TTN: variants seen among roughly 807,000 people sequenced by gnomAD.
TTN encodes the protein titin.
In TTN, 1,525 loss-of-function variants were observed where a neutral mutation model predicts 3,223.0. The observed-to-expected ratio is 0.47, with a 90% confidence interval of 0.45 to 0.49. The LOEUF is 0.49. Among genes scored for constraint, TTN ranks in the 20% least tolerant of loss-of-function variants. TTN has a pLI of 0.00. For missense variants in TTN, 40,786 were observed against 43,424.0 expected, an observed-to-expected ratio of 0.94 and a Z score of 5.40; for synonymous variants, 14,094 against 15,161.0, an observed-to-expected ratio of 0.93 and a Z score of 5.17.
At position 178,734,557 on chromosome 2, in the gene TTN, T is replaced by A. The variant is rs2081103504; in HGVS notation, c.15267A>T (p.Gly5089=). 6.2e-7 allele frequency: 1 copy of A among 1,603,502 alleles called. No individual in the cohort carries two copies. Among genetic ancestry groups the A allele is most frequent in the African/African-American group, 1.3e-5 (1 of 74,778 alleles). ...CTTCACACTGAAGTAGAGCATTTGTTCCTCTCACTATGTCTGCAGGCTCAA... is the reference window on the plus strand; with the variant it reads ...CTTCACACTGAAGTAGAGCATTTGTACCTCTCACTATGTCTGCAGGCTCAA... ...KTLEPADIVR[G]TNALLQCEVS... The change falls in exon 52 of 363, where the codon GGA becomes GGT. Residue 5089 remains glycine (G), a synonymous_variant. Transcript: ENST00000589042.
At position 178,717,375 on chromosome 2, in the gene TTN, T is replaced by C. The variant is rs1454120603; in HGVS notation, c.25359A>G (p.Glu8453=). The change falls in exon 88 of 363, where the codon GAA becomes GAG. Residue 8453 remains glutamate (E), a synonymous_variant. Coordinates refer to ENST00000589042, the MANE Select transcript of TTN (RefSeq NM_001267550.2). ...GCTTTAGATCAAAGAAAGGAGGCACTTCATGCTCTGAAAAGAATGAAGACC... is the reference window on the plus strand; with the variant it reads ...GCTTTAGATCAAAGAAAGGAGGCACCTCATGCTCTGAAAAGAATGAAGACC... ...SSAKLILSEH[E]VPPFFDLKPV... is the part of the protein sequence containing the mutation. 2 of 1,605,414 alleles carry C rather than the reference T, an allele frequency of 1.2e-6. No individual in the cohort carries two copies. Among genetic ancestry groups the C allele is most frequent in the Middle Eastern group, 1.7e-4 (1 of 6,012 alleles).
chr2:178,625,384 A>T lies in TTN; in HGVS notation c.44437T>A (p.Ser14813Thr). 6.3e-7 allele frequency: 1 copy of T among 1,578,456 alleles called. No homozygotes were observed. Among genetic ancestry groups the T allele is most frequent in the Non-Finnish European group, 8.6e-7 (1 of 1,166,740 alleles). Residue 14813 changes from serine (S) to threonine (T), a missense_variant, in exon 241 of 363, where the codon TCA (serine) becomes ACA (threonine). Transcript: ENST00000589042. Reference protein sequence around the residue: ...LEPSDKVVPRSEGKVHTLTLR... With the variant: ...LEPSDKVVPRTEGKVHTLTLR... ...GTAAGTGTATGAACTTTTCCTTCTG[A>T]ACGTGGGACCACCTAGTTGTTTTTA...
At chr2:178,588,337 C>T in intron 304 of TTN, 118 bp from the exon 305 acceptor site, 1 of 1,152,298 alleles carries the variant, frequency 8.7e-7, no homozygotes, top group East Asian at 2.6e-5. Context: ...TTAGTGTCCT[C>T]TTTATTTTCC....
chr2:178,595,942 T>G, intron 294 of TTN, 133 bp from the exon 295 acceptor site: 1 of 855,930 alleles, frequency 1.2e-6, no homozygotes, highest in Non-Finnish European at 1.8e-6. Flanking sequence ...ATTGAGTTAG[T>G]TTTTCCTTCT....
chr2:178,583,169 T>A lies in TTN; in HGVS notation c.65634A>T (p.Gly21878=). The change falls in exon 313 of 363, where the codon GGA becomes GGT. Residue 21878 remains glycine (G), a synonymous_variant. Transcript: ENST00000589042. ...AMKSLLTVKA[G]TNVCLDATVF... is the part of the protein sequence containing the mutation. ...CAGTAGCATCCAAGCAGACATTAGT[T>A]CCAGCTTTCACAGTAAGCAAAGATT... 1 of 1,611,960 alleles carries A rather than the reference T, an allele frequency of 6.2e-7. No homozygotes were observed. The highest frequency in any genetic ancestry group is 8.5e-7 in the Non-Finnish European group (1 of 1,178,732).
In TTN at chr2:178,802,274, G is replaced by A. The variant is rs1367693905; in HGVS notation, c.159C>T (p.Gly53=). ...GGCCATCGCTAAAGGAGATCTGCAC[G>A]CCGGGCAGAGTGGAAGTGGAAATCA... is the stretch of plus-strand genomic sequence containing the variant. The part of the protein sequence containing the change: ...GQVISTSTLP[G]VQISFSDGRA... Residue 53 remains glycine, a synonymous_variant, in exon 3 of 363, where the codon GGC becomes GGT. Transcript: ENST00000589042. 4.3e-6 allele frequency: 7 copies of A among 1,614,142 alleles called. No individual in the cohort carries two copies. Among genetic ancestry groups the A allele is most frequent in the Non-Finnish European group, 5.9e-6 (7 of 1,180,006 alleles).
chr2:178,565,534 C>G lies in TTN; in HGVS notation c.80598G>C (p.Val26866=). ...CCTTGGCTATGACAGGAACACCCAA[C>G]ACTCTTGGATCGCTTTTTCCTTTCT... ...YNEKGKSDPR[V]LGVPVIAKDL... Residue 26866 remains valine (V), a synonymous_variant, in exon 326 of 363, where the codon GTG becomes GTC. Coordinates refer to ENST00000589042, the MANE Select transcript of TTN (RefSeq NM_001267550.2). 6.2e-7 allele frequency: 1 copy of G among 1,613,544 alleles called. No homozygotes were observed. The highest frequency in any genetic ancestry group is 8.5e-7 in the Non-Finnish European group (1 of 1,179,620).
Position 178,546,757 on chromosome 2 carries a change from C to T in TTN, c.94671G>A (p.Leu31557=), listed in dbSNP as rs1284600896. ...CAGATACAATGGTGTAGTTGCACTT[C>T]AGCCAGCGACCATCTCCTACCTCAC... is the stretch of plus-strand genomic sequence containing the variant. ...PVSEVGDGRW[L]KCNYTIVSDN... is the part of the protein sequence containing the mutation. The change falls in exon 341 of 363, where the codon CTG becomes CTA. Residue 31557 remains leucine, a synonymous_variant. Coordinates refer to ENST00000589042, the MANE Select transcript of TTN (RefSeq NM_001267550.2). 1 of 1,613,614 alleles carries T rather than the reference C, an allele frequency of 6.2e-7. No homozygotes were observed. Among genetic ancestry groups the T allele is most frequent in the Non-Finnish European group, 8.5e-7 (1 of 1,179,742 alleles).
In TTN at chr2:178,735,969, G is replaced by T; in HGVS notation, c.14477C>A (p.Thr4826Asn). 1 of 1,613,804 alleles carries T rather than the reference G, an allele frequency of 6.2e-7. No homozygotes were observed. Among genetic ancestry groups the T allele is most frequent in the Non-Finnish European group, 8.5e-7 (1 of 1,179,808 alleles). ...CTVTGTPVIE[T>N]IWQKDGAALS... ...TGCAGCACCATCTTTCTGCCAAATGGTTTCTATCACAGGAGTCCCTGTCAC... is the reference window on the plus strand; with the variant it reads ...TGCAGCACCATCTTTCTGCCAAATGTTTTCTATCACAGGAGTCCCTGTCAC... The change falls in exon 50 of 363, where the codon ACC becomes AAC. Residue 4826 changes from threonine to asparagine, a missense_variant. Coordinates refer to ENST00000589042, the MANE Select transcript of TTN (RefSeq NM_001267550.2).
intron 349 of TTN, 55 bp from the exon 350 acceptor site, chr2:178,541,639 G>T: frequency 1.4e-6 from 2 of 1,460,476 alleles, no homozygotes; most frequent in South Asian, 1.5e-5. Context: ...TTAAAACAAT[G>T]ACTCATATAT....
In TTN at chr2:178,581,896, G is replaced by T; in HGVS notation, c.66463+10C>A. The T allele has an allele frequency of 6.2e-7, 1 of 1,612,020 alleles. No individual in the cohort carries two copies. The highest frequency in any genetic ancestry group is 1.1e-5 in the South Asian group (1 of 90,744). ...AACACAGGATATGGAACTCGTTCAT[G>T]AACACTTACACTGAGGGTCCCGAGC... On this transcript the variant is annotated intron_variant, in intron 315 of 362. Coordinates refer to ENST00000589042, the MANE Select transcript of TTN (RefSeq NM_001267550.2).
At position 178,621,093 on chromosome 2, in the gene TTN, C is replaced by G; in HGVS notation, c.45616+9G>C. On this transcript the variant is annotated intron_variant, in intron 246 of 362. Transcript: ENST00000589042. ...AAACAAAAAACCCTAAAAGCAAGAA[C>G]AAACTTACCAATGACTGTCAAGTGA... The G allele has an allele frequency of 6.2e-7, 1 of 1,610,754 alleles. No homozygotes were observed. The highest frequency in any genetic ancestry group is 8.5e-7 in the Non-Finnish European group (1 of 1,178,802).
At chr2:178,684,207 C>A in intron 132 of TTN, 123 bp downstream of exon 132, 2 of 1,368,446 alleles carry the variant, frequency 1.5e-6, no homozygotes, top group South Asian at 1.3e-5. Flanking sequence ...AAAACAACAA[C>A]TGTAACAACA....
Position 178,584,369 on chromosome 2 carries a change from G to C in TTN, c.65182C>G (p.Leu21728Val), listed in dbSNP as rs781121273. ...GCATAGATTCTGAATGAATACTCAA[G>C]ACCTTCTACAAGGCCAGCACAAGGA... ...EYPCAGLVEGLEYSFRIYALN... is the reference protein window; with the variant it reads ...EYPCAGLVEGVEYSFRIYALN... The change falls in exon 311 of 363, where the codon CTT becomes GTT. Residue 21728 changes from leucine to valine, a missense_variant. Transcript: ENST00000589042. 1.8e-5 allele frequency: 29 copies of C among 1,613,096 alleles called. No individual in the cohort carries two copies. The highest frequency in any genetic ancestry group is 2.4e-5 in the Non-Finnish European group (28 of 1,179,456).
At chr2:178,603,834 T>C in intron 282 of TTN, 42 bp downstream of exon 282, 1 of 1,510,954 alleles carries the variant, frequency 6.6e-7, no homozygotes, top group Non-Finnish European at 8.9e-7. Flanking sequence ...TTAGTGACTT[T>C]GTGCTTTAGA....
chr2:178,716,045 G>A (rs1181563457), intron 88 of TTN, among the ~76,000 whole-genome samples: 3 of 152,120 alleles, frequency 2.0e-5, no homozygotes, highest in African/African-American at 7.2e-5. Context: ...CCCAGCAAAA[G>A]AGTCCCTTCT....
Position 178,612,389 on chromosome 2 carries a change from G to A in TTN, c.50136C>T (p.Val16712=). The A allele has an allele frequency of 6.2e-7, 1 of 1,612,558 alleles. No homozygotes were observed. Among genetic ancestry groups the A allele is most frequent in the Middle Eastern group, 1.7e-4 (1 of 6,050 alleles). ...DTTVKDTKCT[V]TPLTEGSLYV... ...ATAAAGAGCCCTCAGTCAGTGGGGTGACTGTGCACTTGGTGTCCTTGACAG... is the reference window on the plus strand; with the variant it reads ...ATAAAGAGCCCTCAGTCAGTGGGGTAACTGTGCACTTGGTGTCCTTGACAG... The change falls in exon 266 of 363, where the codon GTC becomes GTT. Residue 16712 remains valine (V), a synonymous_variant. Transcript: ENST00000589042.
At position 178,548,505 on chromosome 2, in the gene TTN, G is replaced by T. The variant is rs1698098552; in HGVS notation, c.93121C>A (p.Leu31041Ile). 1 of 1,613,868 alleles carries T rather than the reference G, an allele frequency of 6.2e-7. No individual in the cohort carries two copies. The highest frequency in any genetic ancestry group is 8.5e-7 in the Non-Finnish European group (1 of 1,179,820). Reference protein sequence around the residue: ...GSATLMWDAPLLDGGARIHHY... With the variant: ...GSATLMWDAPILDGGARIHHY... ...TGGATTCGGGCACCACCGTCAAGAA[G>T]AGGGGCATCCCACATCAATGTAGCA... Residue 31041 changes from leucine to isoleucine, a missense_variant, in exon 339 of 363, where the codon CTT becomes ATT. Coordinates refer to ENST00000589042, the MANE Select transcript of TTN (RefSeq NM_001267550.2). The surrounding 1 kb of genome is among the most constrained non-coding windows in gnomAD (Gnocchi z 4.3).
At chr2:178,696,995 T>C (rs1314072049) in intron 113 of TTN, 126 bp downstream of exon 113, 3 of 820,280 alleles carry the variant, frequency 3.7e-6, no homozygotes, top group Non-Finnish European at 5.6e-6. Flanking sequence ...TAATGCTAAA[T>C]TTAACACAGC....
Sources: allele counts gnomAD v4.1 joint callset (sites outside exome capture counted in the v4.1 genomes callset), GRCh38; gene constraint gnomAD v4.1.1; non-coding constraint Gnocchi (gnomAD v3.1); transcripts MANE v1.5; gene names NCBI Gene and HGNC (gene_info 2026-07-23, HGNC 2026-07-21).